IL7: variants seen among roughly 807,000 people sequenced by gnomAD.
IL7 encodes the protein interleukin 7.
In IL7, 3 loss-of-function variants were observed where a neutral mutation model predicts 21.6. The observed-to-expected ratio is 0.14, with a 90% CI of 0.06 to 0.36. The LOEUF is 0.36. Among genes scored for constraint, IL7 ranks in the 10% least tolerant of loss-of-function variants. IL7 has a pLI of 1.00. For missense variants in IL7, 175 were observed against 200.2 expected (o/e 0.87, Z 0.76); for synonymous variants, 62 against 68.1 (o/e 0.91, Z 0.44).
chr8:78,750,062 G>C (rs1330110839), intron 2 of IL7, among the ~76,000 whole-genome samples: 1 of 151,888 alleles, frequency 6.6e-6, no homozygotes, highest in Admixed American at 6.6e-5. Flanking sequence ...CTAAAAAGCT[G>C]AATAGTCTGT....
chr8:78,724,916 A>G (rs529957925), intron 3 of IL7, among the ~76,000 whole-genome samples: 14 of 152,144 alleles, frequency 9.2e-5, no homozygotes, highest in African/African-American at 3.1e-4. Context: ...TAAGTAGAAA[A>G]CATTGGACAA....
downstream of IL7, among the ~76,000 whole-genome samples, chr8:78,731,296 T>C (rs1009321263): frequency 2.0e-5 from 3 of 152,034 alleles, no homozygotes; most frequent in Admixed American, 2.0e-4. Context: ...TAAAGCAGAT[T>C]CTCCTTGCTG....
intron 1 of IL7, among the ~76,000 whole-genome samples, chr8:78,803,719 A>G (rs1312748938): frequency 6.6e-6 from 1 of 152,156 alleles, no homozygotes; most frequent in East Asian, 1.9e-4. Context: ...CTGCAGAACT[A>G]TGGGCATTGC....
intron 2 of IL7, among the ~76,000 whole-genome samples, chr8:78,746,267 A>G (rs1355049272): frequency 6.6e-6 from 1 of 152,244 alleles, no homozygotes; most frequent in Non-Finnish European, 1.5e-5. Flanking sequence ...CTTCTAGTTC[A>G]TCTTTCATGA....
chr8:78,792,583 A>T (rs1431381460), intron 2 of IL7, among the ~76,000 whole-genome samples: 1 of 152,146 alleles, frequency 6.6e-6, no homozygotes, highest in African/African-American at 2.4e-5. Flanking sequence ...GAAAAGACAA[A>T]TAATCCAATT....
Position 78,736,822 on chromosome 8 carries a change from G to C in IL7, c.361-295C>G, listed in dbSNP as rs894221. 0.32 allele frequency among the ~76,000 whole-genome samples: 47,930 copies of C among 151,906 alleles called. 8,416 individuals carry two copies. Among genetic ancestry groups the C allele is most frequent in the African/African-American group, 0.47 (19,303 of 41,436 alleles). On this transcript the variant is annotated intron_variant, in intron 4 of 5. Transcript: ENST00000263851. ...TGAAAAATTAACATAGTAGGGTATA[G>C]TAGCAGAGATAAAACTTGAATTTTA...
chr8:78,743,594 T>C, intron 2 of IL7, among the ~76,000 whole-genome samples: 1 of 152,102 alleles, frequency 6.6e-6, no homozygotes, highest in East Asian at 1.9e-4. Flanking sequence ...ATTACGAAAT[T>C]CTTGTAGTGT....
intron 4 of IL7, among the ~76,000 whole-genome samples, chr8:78,680,693 C>T (rs1809748078): frequency 6.6e-6 from 1 of 152,094 alleles, no homozygotes; most frequent in Admixed American, 6.6e-5. Context: ...TGCCCCAAAG[C>T]AGTTGAAATC....
downstream of IL7, among the ~76,000 whole-genome samples, chr8:78,714,217 C>G (rs916329575): frequency 6.6e-6 from 1 of 152,110 alleles, no homozygotes; most frequent in East Asian, 1.9e-4. Context: ...GCAGGGTCAC[C>G]TTGGGTAAGT....
At chr8:78,696,802 G>A (rs1810432015) in intron 3 of IL7, among the ~76,000 whole-genome samples, 1 of 152,116 alleles carries the variant, frequency 6.6e-6, no homozygotes, top group Non-Finnish European at 1.5e-5. Context: ...GTTTTTATCA[G>A]TAGGAAATAT....
intron 3 of IL7, among the ~76,000 whole-genome samples, chr8:78,702,762 T>C (rs1043200155): frequency 6.6e-6 from 1 of 152,190 alleles, no homozygotes; most frequent in Non-Finnish European, 1.5e-5. Flanking sequence ...TATGTAGTTG[T>C]AGGGTTTTGA....
intron 1 of IL7, among the ~76,000 whole-genome samples, chr8:78,801,093 T>C (rs1307100792): frequency 1.3e-5 from 2 of 152,236 alleles, no homozygotes; most frequent in African/African-American, 4.8e-5. Context: ...TTCTCAATTT[T>C]AAAACATAAT....
At chr8:78,787,482 T>A (rs1284722805) in intron 2 of IL7, among the ~76,000 whole-genome samples, 1 of 152,170 alleles carries the variant, frequency 6.6e-6, no homozygotes, top group African/African-American at 2.4e-5. Flanking sequence ...GAAAACTGTT[T>A]TTTTTCCCAC....
chr8:78,769,822 G>T (rs1812891848), intron 2 of IL7, among the ~76,000 whole-genome samples: 1 of 152,048 alleles, frequency 6.6e-6, no homozygotes, highest in Non-Finnish European at 1.5e-5. Flanking sequence ...ACATGATACT[G>T]GTACCAAAAC....
intron 2 of IL7, chr8:78,760,799 G>T: frequency 6.5e-7 from 1 of 1,532,198 alleles, no homozygotes; most frequent in South Asian, 1.3e-5. Context: ...AAGTTTGGTT[G>T]CCAAATTTGT....
intron 3 of IL7, among the ~76,000 whole-genome samples, chr8:78,692,725 T>C (rs1810249944): frequency 6.6e-6 from 1 of 152,066 alleles, no homozygotes; most frequent in Non-Finnish European, 1.5e-5. Context: ...GAGCTTCTAA[T>C]TTGTTTTTTT....
chr8:78,770,156 A>C (rs1487195776), intron 2 of IL7, among the ~76,000 whole-genome samples: 1 of 152,224 alleles, frequency 6.6e-6, no homozygotes, highest in Non-Finnish European at 1.5e-5. Flanking sequence ...CACCAAAAGC[A>C]GTGGCAACAA....
chr8:78,713,773 T>C (rs2130610481), downstream of IL7, among the ~76,000 whole-genome samples: 1 of 152,320 alleles, frequency 6.6e-6, no homozygotes, highest in Non-Finnish European at 1.5e-5. Context: ...ACAGCCCACT[T>C]AAGTTCAAGT....
intron 3 of IL7, among the ~76,000 whole-genome samples, chr8:78,692,888 C>A (rs567539260): frequency 6.0e-4 from 92 of 152,250 alleles, no homozygotes; most frequent in Non-Finnish European, 9.6e-4. Flanking sequence ...CCACTCCCCC[C>A]ACCCCACAAC....
Sources: allele counts gnomAD v4.1 joint callset (sites outside exome capture counted in the v4.1 genomes callset), GRCh38; gene constraint gnomAD v4.1.1; transcripts MANE v1.5; gene names NCBI Gene and HGNC (gene_info 2026-07-23, HGNC 2026-07-21).